Variants in RPAP1 observed in about 807,000 individuals in gnomAD.
RPAP1 encodes the protein RNA polymerase II-associated protein 1.
RPAP1 carries 109 observed loss-of-function variants against 142.4 expected under a neutral mutation model. The observed-to-expected ratio is 0.77, with a 90% CI of 0.66 to 0.90. RPAP1 has a LOEUF of 0.90. Ranked by LOEUF, RPAP1 falls within the 40% of genes least tolerant of loss-of-function variation. The pLI is 0.00. For missense variants in RPAP1, 1,546 were observed against 1,751.7 expected, an observed-to-expected ratio of 0.88 and a Z score of 2.10; for synonymous variants, 704 against 738.9, an observed-to-expected ratio of 0.95 and a Z score of 0.77.
rs750689375 is a variant in RPAP1 at position 41,517,585 on chromosome 15, C to T, written c.4139G>A (p.Arg1380Lys). 1.3e-5 allele frequency: 21 copies of T among 1,603,184 alleles called. No homozygotes were observed. The highest frequency in any genetic ancestry group is 1.8e-5 in the Non-Finnish European group (21 of 1,174,978). Residue 1380 changes from arginine (R) to lysine (K), a missense_variant, in exon 25 of 25, where the codon AGA becomes AAA. By Grantham distance (26) the Arg-to-Lys change is conservative. Coordinates refer to ENST00000304330, the MANE Select transcript of RPAP1 (RefSeq NM_015540.4). ...ATTTTGGAGCACTGTTGAAGTCAGT[C>T]TCTGGAGGTAGTGCTGACGCAGAGG... ...LPPLRQHYLQ[R>K]LTSTVLQNGV...
rs760831393 is a variant in RPAP1 at position 41,522,881 on chromosome 15, A to T, written c.2626T>A (p.Ser876Thr). 2.5e-6 allele frequency: 4 copies of T among 1,578,558 alleles called. No individual in the cohort carries two copies. In the Admixed American group the frequency reaches 6.1e-5, roughly 24 times the overall value. Residue 876 changes from serine (S) to threonine (T), a missense_variant, in exon 19 of 25, where the codon TCG becomes ACG. Ser to Thr is a moderately conservative substitution (Grantham distance 58). Transcript: ENST00000304330. The part of the protein sequence containing the change: ...APPSLVSLGC[S>T]GGCPRLSLAG... ...AGACTGAGACGGGGGCAGCCTCCCGAGCAGCCCAGTGACACGAGGCTGGGG... is the reference window on the plus strand; with the variant it reads ...AGACTGAGACGGGGGCAGCCTCCCGTGCAGCCCAGTGACACGAGGCTGGGG...
chr15:41,535,073 GTCT>G, intron 5 of RPAP1, 138 bp from the exon 6 acceptor site: 1 of 757,800 alleles, frequency 1.3e-6, no homozygotes, highest in Non-Finnish European at 2.1e-6. Context: ...ACCCCACTGG[GTCT>G]GGCACAGGGA....
At chr15:41,531,324 G>C in intron 6 of RPAP1, 122 bp from the exon 7 acceptor site, 1 of 981,794 alleles carries the variant, frequency 1.0e-6, no homozygotes, top group South Asian at 1.7e-5. Flanking sequence ...CTGCTTCCGA[G>C]CCTGGGCCTG....
intron 9 of RPAP1, 40 bp from the exon 10 acceptor site, chr15:41,528,376 G>A: frequency 4.3e-6 from 6 of 1,398,050 alleles, no homozygotes; most frequent in African/African-American, 1.4e-5. Flanking sequence ...CCAGGATACA[G>A]CACAGTGCCC....
rs1309985569 is a variant in RPAP1 at position 41,527,279 on chromosome 15, A to T, written c.1634T>A (p.Leu545Gln). The change falls in exon 13 of 25, where the codon CTG becomes CAG. Residue 545 changes from leucine (L) to glutamine (Q), a missense_variant. Leu to Gln is a moderately radical substitution (Grantham distance 113). This residue lies in a region of RPAP1 where 1,333 missense variants were observed against 1,486.6 expected (regional missense o/e 0.90). Coordinates refer to ENST00000304330, the MANE Select transcript of RPAP1 (RefSeq NM_015540.4). ...VIKGLLATSL[L>Q]PRLRYVLEVT... ...CTCCAGCACGTAGCGCAGCCGAGGC[A>T]GCAGGCTGGTAGCCAGGAGCCCCTG... 2 of 1,614,222 alleles carry T rather than the reference A, an allele frequency of 1.2e-6. No individual in the cohort carries two copies.
In RPAP1 at chr15:41,527,513, A is replaced by T; in HGVS notation, c.1521T>A (p.Asp507Glu). The T allele has an allele frequency of 1.9e-6, 3 of 1,614,020 alleles. No individual in the cohort carries two copies. Among genetic ancestry groups the T allele is most frequent in the Non-Finnish European group, 2.5e-6 (3 of 1,179,988 alleles). ...TTGCTTTTCCTGCTGGGCATTCTTC[A>T]TCCTCGTCCTCATCCTCCTTGTCCT... ...SQEDKEDEDE[D>E]EECPAGKAKR... The change falls in exon 12 of 25, where the codon GAT becomes GAA. Residue 507 changes from aspartate to glutamate, a missense_variant. Transcript: ENST00000304330.
At position 41,529,899 on chromosome 15, in the gene RPAP1, C is replaced by A; in HGVS notation, c.1024G>T (p.Asp342Tyr). Residue 342 changes from aspartate (D) to tyrosine (Y), a missense_variant, in exon 8 of 25, where the codon GAC (aspartate) becomes TAC (tyrosine). Around this residue, in one of 3 missense-constraint regions of RPAP1, gnomAD observed 1,333 missense variants for 1,486.6 expected, o/e 0.90. Coordinates refer to ENST00000304330, the MANE Select transcript of RPAP1 (RefSeq NM_015540.4). ...TGCTGCCGCCGGACAGGGGGCAAGT[C>A]CTGGGTCCAGTGGAGCTTCTCCAGC... is the stretch of plus-strand genomic sequence containing the variant. ...VELEKLHWTQDLPPVRRQQTQ... is the reference protein window; with the variant it reads ...VELEKLHWTQYLPPVRRQQTQ... 1 of 1,613,122 alleles carries A rather than the reference C, an allele frequency of 6.2e-7. No individual in the cohort carries two copies.
At chr15:41,521,661 C>T in intron 21 of RPAP1, 77 bp downstream of exon 21, 1 of 1,520,400 alleles carries the variant, frequency 6.6e-7, no homozygotes, top group Non-Finnish European at 8.9e-7. Context: ...CTCCTGGCTC[C>T]AAATTCAGGG....
In RPAP1 at chr15:41,529,981, T is replaced by TG. The variant is rs1176220415; in HGVS notation, c.944-3dup. On this transcript the variant is annotated splice_region_variant and splice_polypyrimidine_tract_variant and intron_variant, in intron 7 of 24. Transcript: ENST00000304330. Reference sequence around the variant, plus strand: ...GAGGGGTCACGGGCAATGCCAGAGCTGGGGAGACAAAGCATGATAGTATTA... The same window carrying TG: ...GAGGGGTCACGGGCAATGCCAGAGCTGGGGGAGACAAAGCATGATAGTATTA... 1.2e-5 allele frequency: 20 copies of TG among 1,613,216 alleles called. No homozygotes were observed. The highest frequency in any genetic ancestry group is 1.7e-5 in the Non-Finnish European group (20 of 1,179,242).
chr15:41,522,916 A>G lies in RPAP1; in HGVS notation c.2591T>C (p.Leu864Pro). The change falls in exon 19 of 25, where the codon CTT becomes CCT. Residue 864 changes from leucine (L) to proline (P), a missense_variant. Transcript: ENST00000304330. Reference sequence around the variant, plus strand: ...TGACACGAGGCTGGGGGGAGCTTCAAGGGCTGGCACACAGGACAGCGGGTT... The same window carrying G: ...TGACACGAGGCTGGGGGGAGCTTCAGGGGCTGGCACACAGGACAGCGGGTT... ...LCNPLSCVPA[L>P]EAPPSLVSLG... is the part of the protein sequence containing the mutation. 4.5e-6 allele frequency: 7 copies of G among 1,565,882 alleles called. No individual in the cohort carries two copies. The highest frequency in any genetic ancestry group is 6.0e-6 in the Non-Finnish European group (7 of 1,164,998).
rs144377697 is a variant in RPAP1 at position 41,517,894 on chromosome 15, G to A, written c.3973-37C>T. 5.4e-5 allele frequency: 87 copies of A among 1,613,960 alleles called. 1 individual carries two copies. In the African/African-American group the frequency reaches 1.0e-3, roughly 19 times the overall value. ...ACAGGGAGAGGTGGCACTGAGCCGA[G>A]GGCTGGTACCCACCACTGGCCTTGC... On this transcript the variant is annotated intron_variant, in intron 23 of 24. Coordinates refer to ENST00000304330, the MANE Select transcript of RPAP1 (RefSeq NM_015540.4).
chr15:41,542,410 G>A (rs1259571745), intron 1 of RPAP1, among the ~76,000 whole-genome samples: 1 of 152,078 alleles, frequency 6.6e-6, no homozygotes, highest in Non-Finnish European at 1.5e-5. Flanking sequence ...AATCCCTAAA[G>A]GTTAAAAATA....
rs1310508354 is a variant in RPAP1, at chr15:41,536,650, C to G, written c.182-1G>C. On this transcript the variant is annotated splice_acceptor_variant, in intron 2 of 24. Coordinates refer to ENST00000304330, the MANE Select transcript of RPAP1 (RefSeq NM_015540.4). LOFTEE classifies it high-confidence loss of function. The stretch of plus-strand genomic sequence containing the variant: ...AAAGCTGGGGGCAAATCTGGGAGAT[C>G]TGAGAAAGAAAAGATCCCAAACGTG... The G allele has an allele frequency of 1.2e-6, 2 of 1,613,370 alleles. No individual in the cohort carries two copies. Among genetic ancestry groups the G allele is most frequent in the Non-Finnish European group, 8.5e-7 (1 of 1,179,950 alleles).
Position 41,528,724 on chromosome 15 carries a change from T to G in RPAP1, c.1159-388A>C, listed in dbSNP as rs1373796392. Among the ~76,000 whole-genome samples, 4 of 152,070 alleles carry G rather than the reference T, an allele frequency of 2.6e-5. No homozygotes were observed. In the East Asian group the frequency reaches 7.7e-4, roughly 29 times the overall value. ...GTGGGGAGAAGCCAGCAGAGTGGTG[T>G]AGCAGGAAGTGAAGGAGGCAGAGCA... On this transcript the variant is annotated intron_variant, in intron 9 of 24. Coordinates refer to ENST00000304330, the MANE Select transcript of RPAP1 (RefSeq NM_015540.4).
chr15:41,535,561 G>A lies in RPAP1; in HGVS notation c.492C>T (p.Ala164=). The A allele has an allele frequency of 6.2e-7, 1 of 1,613,928 alleles. No individual in the cohort carries two copies. Among genetic ancestry groups the A allele is most frequent in the Non-Finnish European group, 8.5e-7 (1 of 1,179,964 alleles). The change falls in exon 5 of 25, where the codon GCC becomes GCT. Residue 164 remains alanine, a synonymous_variant. Coordinates refer to ENST00000304330, the MANE Select transcript of RPAP1 (RefSeq NM_015540.4). ...QEIAARRIAE[A]KGPSVGEVVP... is the part of the protein sequence containing the mutation. ...CAACTTCCCCAACTGATGGGCCCTT[G>A]GCTTCAGCTATCCTCCTTGCCGCAA...
At chr15:41,523,180 G>A in intron 18 of RPAP1, 65 bp downstream of exon 18, 5 of 1,214,142 alleles carry the variant, frequency 4.1e-6, no homozygotes, top group Non-Finnish European at 5.8e-6. Context: ...CTGGACCCAG[G>A]AATCCCACAA....
At chr15:41,528,741 G>T (rs185773686) in intron 9 of RPAP1, among the ~76,000 whole-genome samples, 133 of 152,306 alleles carry the variant, frequency 8.7e-4, no homozygotes, top group Admixed American at 2.9e-3. Flanking sequence ...AAGTGAAGGA[G>T]GCAGAGCAGC....
intron 14 of RPAP1, among the ~76,000 whole-genome samples, chr15:41,526,372 G>A (rs964625953): frequency 5.3e-5 from 8 of 152,184 alleles, no homozygotes; most frequent in African/African-American, 7.2e-5. Context: ...TCAGCCTACC[G>A]AGTAGCTGAG....
intron 1 of RPAP1, among the ~76,000 whole-genome samples, chr15:41,538,820 A>G (rs765929976): frequency 2.6e-5 from 4 of 152,226 alleles, no homozygotes; most frequent in Admixed American, 6.5e-5. Flanking sequence ...GTTCCAATGC[A>G]CAAACATTGA....
Sources: allele counts gnomAD v4.1 joint callset (sites outside exome capture counted in the v4.1 genomes callset), GRCh38; gene constraint gnomAD v4.1.1; regional missense constraint gnomAD v4.1.1; transcripts MANE v1.5; gene names NCBI Gene and HGNC (gene_info 2026-07-23, HGNC 2026-07-21).